The following ABCA12 variants were observed in gnomAD, a reference collection of about 807,000 sequenced individuals.
ABCA12 encodes the protein ATP binding cassette subfamily A member 12, also known as glucosylceramide transporter ABCA12.
ABCA12 carries 156 observed loss-of-function variants against 293.5 expected under a neutral mutation model. The ratio of observed to expected loss-of-function variants is 0.53; its 90% CI spans 0.47 to 0.61. ABCA12 has a LOEUF of 0.61. ABCA12 is among the 20% of genes least tolerant of loss of function. The pLI is 0.00. For synonymous variants in ABCA12, 1,063 were observed against 1,108.0 expected, an observed-to-expected ratio of 0.96 and a Z score of 0.81; for missense variants, 2,797 against 3,090.2, an observed-to-expected ratio of 0.91 and a Z score of 2.25.
intron 1 of ABCA12, among the ~76,000 whole-genome samples, chr2:215,128,743 C>T (rs6704851): frequency 0.082 from 12,424 of 152,012 alleles, 1,174 homozygotes; most frequent in African/African-American, 0.23. Flanking sequence ...CTTCACCTTT[C>T]TCTGGTCCCT....
intron 3 of ABCA12, among the ~76,000 whole-genome samples, chr2:215,063,702 G>T (rs1220081213): frequency 6.6e-6 from 1 of 151,942 alleles, no homozygotes; most frequent in African/African-American, 2.4e-5. Flanking sequence ...ATTCTTCCAG[G>T]ATGATGGCCC....
chr2:215,011,515 G>A lies in ABCA12; in HGVS notation c.2256C>T (p.Asn752=), dbSNP rs753067139. ...MLPSSQRPKG[N]HTKDFLTYKL... ...TATAAGTCAAAAAATCCTTGGTGTG[G>A]TTGCCTTTTGGCCTCTGGGAAGAGG... Residue 752 remains asparagine (N), a synonymous_variant, in exon 17 of 53, where the codon AAC becomes AAT. Coordinates refer to ENST00000272895, the MANE Select transcript of ABCA12 (RefSeq NM_173076.3). The A allele has an allele frequency of 3.1e-6, 5 of 1,613,970 alleles. No individual in the cohort carries two copies. The South Asian group carries it at 5.5e-5, about 18-fold the overall frequency.
chr2:215,134,304 A>G (rs1703131272), intron 1 of ABCA12, among the ~76,000 whole-genome samples: 1 of 147,722 alleles, frequency 6.8e-6, no homozygotes, highest in Non-Finnish European at 1.5e-5. Context: ...GTACATATAT[A>G]CGTATATGTG....
intron 8 of ABCA12, among the ~76,000 whole-genome samples, chr2:215,033,785 T>C (rs948943331): frequency 4.6e-5 from 7 of 151,558 alleles, no homozygotes; most frequent in Non-Finnish European, 8.8e-5. Context: ...ACTAAAAATA[T>C]AAAAAATTAG....
chr2:215,019,819 G>A (rs766388290), intron 11 of ABCA12, 23 bp from the exon 12 acceptor site: 22 of 1,605,306 alleles, frequency 1.4e-5, no homozygotes, highest in Non-Finnish European at 1.9e-5. Context: ...GGAAAAGAGT[G>A]GGAAATAGAT....
intron 7 of ABCA12, chr2:215,044,597 T>C (rs1701164859): frequency 1.3e-5 from 2 of 152,214 alleles, no homozygotes; most frequent in South Asian, 2.1e-4. Context: ...TTCTTCTGTA[T>C]TCCAGTTATG....
chr2:215,051,605 C>T (rs73074413), intron 5 of ABCA12, among the ~76,000 whole-genome samples: 8,928 of 51,786 alleles, frequency 0.17, 898 homozygotes, highest in African/African-American at 0.33. Flanking sequence ...TTATTAAAAA[C>T]GCTAGTGTGT....
chr2:214,954,549 C>G (rs528249074), intron 43 of ABCA12, among the ~76,000 whole-genome samples: 136 of 152,260 alleles, frequency 8.9e-4, no homozygotes, highest in African/African-American at 3.2e-3. Flanking sequence ...CAACATGTCT[C>G]GAAGAGGGAC....
chr2:214,987,785 C>T lies in ABCA12; in HGVS notation c.3838G>A (p.Gly1280Ser), dbSNP rs775920671. ...GGAAAATACCAGGGAGCTGCCATAC[C>T]GTATGTCCCTGGAATAAAAATATAT... ...YVRNVFPGTY[G>S]MAAPWYFPIL... The change falls in exon 27 of 53, where the codon GGT (glycine) becomes AGT (serine). Residue 1280 changes from glycine to serine, a missense_variant. Gly to Ser is a moderately conservative substitution (Grantham distance 56). Coordinates refer to ENST00000272895, the MANE Select transcript of ABCA12 (RefSeq NM_173076.3). 22 of 1,613,392 alleles carry T rather than the reference C, an allele frequency of 1.4e-5. No homozygotes were observed. Among genetic ancestry groups the T allele is most frequent in the African/African-American group, 4.0e-5 (3 of 74,880 alleles).
intron 1 of ABCA12, among the ~76,000 whole-genome samples, chr2:215,128,441 T>C (rs1487094525): frequency 6.6e-6 from 1 of 152,222 alleles, no homozygotes; most frequent in Admixed American, 6.5e-5. Context: ...CAATTATTCT[T>C]AGGTTTGGTC....
chr2:215,077,829 A>G (rs1296467265), intron 2 of ABCA12, among the ~76,000 whole-genome samples: 1 of 152,158 alleles, frequency 6.6e-6, no homozygotes, highest in Non-Finnish European at 1.5e-5. Flanking sequence ...TGGTTTTTGG[A>G]ATCCGAGATC....
In ABCA12 at chr2:215,010,384, C is replaced by T; in HGVS notation, c.2419G>A (p.Gly807Arg). The T allele has an allele frequency of 6.2e-7, 1 of 1,613,778 alleles. No individual in the cohort carries two copies. The highest frequency in any genetic ancestry group is 1.1e-5 in the South Asian group (1 of 91,072). Residue 807 changes from glycine to arginine, a missense_variant, in exon 18 of 53, where the codon GGA (glycine) becomes AGA (arginine). Around this residue, in one of 3 missense-constraint regions of ABCA12, gnomAD observed 2,130 missense variants for 2,427.0 expected, o/e 0.88. Transcript: ENST00000272895. ...TTATATGGTGCATACAAAATTCTTC[C>T]CAACAACATAGGTTTCAAGAAAGCC... ...IWAFLKPMLL[G>R]RILYAPYNPV...
intron 2 of ABCA12, among the ~76,000 whole-genome samples, chr2:215,070,385 A>T (rs796300182): frequency 3.1e-4 from 47 of 152,042 alleles, no homozygotes; most frequent in East Asian, 1.5e-3. Flanking sequence ...TCTTTTTTTT[A>T]AATGTTTTTA....
chr2:215,080,306 T>C (rs997854699), intron 2 of ABCA12, among the ~76,000 whole-genome samples: 3 of 152,126 alleles, frequency 2.0e-5, no homozygotes, highest in Non-Finnish European at 4.4e-5. Context: ...GAGACCAGTC[T>C]GGGCAACATA....
At chr2:214,977,624 A>G (rs1312168056) in intron 33 of ABCA12, among the ~76,000 whole-genome samples, 1 of 152,240 alleles carries the variant, frequency 6.6e-6, no homozygotes, top group African/African-American at 2.4e-5. Flanking sequence ...GAAAGAGAAG[A>G]GACAATAAAA....
chr2:214,976,411 A>G (rs1699518473), intron 33 of ABCA12, among the ~76,000 whole-genome samples: 1 of 152,212 alleles, frequency 6.6e-6, no homozygotes, highest in Non-Finnish European at 1.5e-5. Context: ...TATTACTAAT[A>G]CTCAAGAGAT....
intron 27 of ABCA12, among the ~76,000 whole-genome samples, chr2:214,987,054 AG>A (rs1699803529): frequency 6.6e-6 from 1 of 152,226 alleles, no homozygotes; most frequent in Non-Finnish European, 1.5e-5. Context: ...CTGGTTGGGC[AG>A]GATGATACCA....
chr2:214,985,149 G>A (rs1179340518), intron 28 of ABCA12, among the ~76,000 whole-genome samples: 1 of 152,102 alleles, frequency 6.6e-6, no homozygotes, highest in Non-Finnish European at 1.5e-5. Context: ...TATATTAAAG[G>A]TTTCTATTTA....
intron 23 of ABCA12, 122 bp from the exon 24 acceptor site, chr2:214,991,153 A>T (rs1699904398): frequency 1.1e-6 from 1 of 876,308 alleles, no homozygotes; most frequent in African/African-American, 1.7e-5. Context: ...GCATTTTAAT[A>T]ATTTACATAA....
Sources: gnomAD v4.1 joint callset for allele counts (sites outside exome capture counted in the v4.1 genomes callset) on GRCh38, gnomAD v4.1.1 for gene constraint, gnomAD v4.1.1 regional missense constraint, MANE v1.5 for transcripts, NCBI Gene and HGNC (gene_info 2026-07-23, HGNC 2026-07-21) for gene names.